The following CRYBB2 variants were observed in gnomAD, a reference collection of about 807,000 sequenced individuals.
CRYBB2 encodes the protein crystallin beta B2.
CRYBB2 carries 12 observed loss-of-function variants against 24.3 expected under a neutral mutation model. The observed-to-expected ratio is 0.49, with a 90% CI of 0.32 to 0.80. The LOEUF (loss-of-function observed/expected upper bound fraction) is 0.80, where lower values mean the gene tolerates loss of function less well. Ranked by LOEUF, CRYBB2 falls within the 30% of genes least tolerant of loss-of-function variation. The pLI, the probability that CRYBB2 is intolerant of heterozygous loss-of-function variation, is 0.04. For missense variants in CRYBB2, 198 were observed against 268.5 expected, an observed-to-expected ratio of 0.74 and a Z score of 1.83; for synonymous variants, 98 against 101.6, an observed-to-expected ratio of 0.96 and a Z score of 0.21.
chr22:25,217,920 G>T (rs1935198012), upstream of CRYBB2, among the ~76,000 whole-genome samples: 1 of 152,102 alleles, frequency 6.6e-6, no homozygotes, highest in Non-Finnish European at 1.5e-5. Flanking sequence ...CCTCAGATTG[G>T]ATCAAGACAC....
upstream of CRYBB2, among the ~76,000 whole-genome samples, chr22:25,219,101 T>C (rs1397121163): frequency 1.3e-5 from 2 of 152,032 alleles, no homozygotes; most frequent in Non-Finnish European, 2.9e-5. Flanking sequence ...GGCTTCCTCT[T>C]CTCCATCCCT....
chr22:25,218,141 C>A (rs961383501), upstream of CRYBB2, among the ~76,000 whole-genome samples: 6 of 150,880 alleles, frequency 4.0e-5, no homozygotes, highest in Non-Finnish European at 5.9e-5. Flanking sequence ...CGCCTGTAGT[C>A]CCAGCTACTA....
chr22:25,211,676 A>G (rs1316982210), upstream of CRYBB2, among the ~76,000 whole-genome samples: 1 of 152,072 alleles, frequency 6.6e-6, no homozygotes, highest in Non-Finnish European at 1.5e-5. Context: ...AGCCTCCCAA[A>G]TTGCTAGGAT....
chr22:25,224,266 C>G (rs1935374722), intron 2 of CRYBB2, among the ~76,000 whole-genome samples: 1 of 152,092 alleles, frequency 6.6e-6, no homozygotes, highest in Non-Finnish European at 1.5e-5. Flanking sequence ...TGAGCCCCCT[C>G]CCTTGGGCTG....
chr22:25,217,788 GA>G (rs1246378597), upstream of CRYBB2, among the ~76,000 whole-genome samples: 1 of 152,186 alleles, frequency 6.6e-6, no homozygotes, highest in Admixed American at 6.5e-5. Context: ...GCTGCAAAAG[GA>G]AAAGCCCAGC....
At chr22:25,230,599 T>C (rs9612900) in intron 5 of CRYBB2, among the ~76,000 whole-genome samples, 17,601 of 147,288 alleles carry the variant, frequency 0.12, 1,276 homozygotes, top group Non-Finnish European at 0.17. Flanking sequence ...CAGAACCAAT[T>C]TAGCCAAACA....
upstream of CRYBB2, among the ~76,000 whole-genome samples, chr22:25,218,707 GGA>G (rs765434004): frequency 0.1 from 2,377 of 23,550 alleles, 100 homozygotes; most frequent in East Asian, 0.19. Context: ...AGAGAGAGGG[GGA>G]GAGAGAGAGA....
intron 2 of CRYBB2, 128 bp from the exon 3 acceptor site, chr22:25,224,790 T>C (rs1935383379): frequency 2.6e-6 from 2 of 768,392 alleles, no homozygotes. Flanking sequence ...ATTTTATGTT[T>C]GATTTGTCAC....
chr22:25,213,293 T>C (rs1366011794), intron 1 of CRYBB2: 1 of 152,130 alleles, frequency 6.6e-6, no homozygotes, highest in Non-Finnish European at 1.5e-5. Context: ...TTAAATATTG[T>C]TTGTCCAAGG....
rs187757975 is a variant in CRYBB2, at chr22:25,231,396, A to G, written c.450-208A>G. Among the ~76,000 whole-genome samples the G allele has an allele frequency of 0.015, 2,267 of 151,418 alleles. 20 individuals carry two copies. The highest frequency in any genetic ancestry group is 0.043 in the South Asian group (202 of 4,732). On this transcript the variant is annotated intron_variant, in intron 5 of 5. Coordinates refer to ENST00000398215, the MANE Select transcript of CRYBB2 (RefSeq NM_000496.3). ...TGCTTCAGGAGGCAGTGAGCTCCCC[A>G]TCAAGAGAAGGAAGAAAGCAGAGGC...
upstream of CRYBB2, among the ~76,000 whole-genome samples, chr22:25,218,822 G>GAAAGAAAGAAAGAAAGA (rs1935266865): frequency 8.8e-6 from 1 of 113,690 alleles, no homozygotes; most frequent in African/African-American, 4.0e-5. Flanking sequence ...AAGAAAGAAA[G>GAAAGAAAGAAAGAAAGA]AAAGAAAGAA....
At chr22:25,230,468 T>TG (rs1569022128) in intron 5 of CRYBB2, among the ~76,000 whole-genome samples, 18 of 152,278 alleles carry the variant, frequency 1.2e-4, no homozygotes, top group African/African-American at 4.3e-4. Context: ...GAACGGACTC[T>TG]TAAATTTTCA....
In CRYBB2 at chr22:25,231,708, A is replaced by G. The variant is rs1460426372; in HGVS notation, c.554A>G (p.Gln185Arg). Residue 185 changes from glutamine to arginine, a missense_variant, in exon 6 of 6, where the codon CAG becomes CGG. Physicochemically the swap from Gln to Arg is conservative, Grantham distance 43 (BLOSUM62 1). Transcript: ENST00000398215. ...TTTGGGGCCCCTCACCCCCAGGTGC[A>G]GTCCGTGCGCCGTATCCGCGACATG... Reference protein sequence around the residue: ...SDFGAPHPQVQSVRRIRDMQW... With the variant: ...SDFGAPHPQVRSVRRIRDMQW... 1.2e-6 allele frequency: 2 copies of G among 1,614,040 alleles called. No homozygotes were observed. Among genetic ancestry groups the G allele is most frequent in the Non-Finnish European group, 1.7e-6 (2 of 1,180,026 alleles).
upstream of CRYBB2, among the ~76,000 whole-genome samples, chr22:25,218,244 G>A (rs531535705): frequency 2.0e-5 from 3 of 146,906 alleles, no homozygotes; most frequent in African/African-American, 7.5e-5. Context: ...GGGCGACAGA[G>A]CGAGACTCCA....
chr22:25,215,533 T>A (rs977751048), upstream of CRYBB2, among the ~76,000 whole-genome samples: 7 of 151,414 alleles, frequency 4.6e-5, no homozygotes, highest in Non-Finnish European at 7.4e-5. Context: ...CATCTCCATA[T>A]TTCTGTGTGT....
Position 25,227,851 on chromosome 22 carries a change from A to T in CRYBB2, c.174-2A>T. The T allele has an allele frequency of 6.2e-7, 1 of 1,614,100 alleles. No homozygotes were observed. Among genetic ancestry groups the T allele is most frequent in the Non-Finnish European group, 8.5e-7 (1 of 1,180,036 alleles). On this transcript the variant is annotated splice_acceptor_variant, in intron 3 of 5. Transcript: ENST00000398215. LOFTEE classifies it high-confidence loss of function. ...CCCCCTTTCTCTCTGTCTCCATGGC[A>T]GCTGGGTGGGCTATGAACAGGCCAA...
At position 25,229,072 on chromosome 22, in the gene CRYBB2, C is replaced by T. The variant is rs554411227; in HGVS notation, c.307-364C>T. 9.4e-5 allele frequency among the ~76,000 whole-genome samples: 13 copies of T among 137,830 alleles called. No homozygotes were observed. The South Asian group carries it at 9.5e-4, about 10-fold the overall frequency. The allele number at this position is 137,830 out of a possible 152,430, so 90.4% of individuals were successfully genotyped here. A position where few individuals can be genotyped will look rare whatever the true frequency, so the allele number is the denominator to read the frequency against. Reference sequence around the variant, plus strand: ...TGTGGTGTGCGTGTGTGCATGTGTGCGTGTGCACACATGTGTGGGTGTGCA... The same window carrying T: ...TGTGGTGTGCGTGTGTGCATGTGTGTGTGTGCACACATGTGTGGGTGTGCA... On this transcript the variant is annotated intron_variant, in intron 4 of 5. Transcript: ENST00000398215.
chr22:25,227,092 C>T (rs1357152843), intron 3 of CRYBB2, among the ~76,000 whole-genome samples: 1 of 152,184 alleles, frequency 6.6e-6, no homozygotes, highest in Non-Finnish European at 1.5e-5. Flanking sequence ...TAGATCATTC[C>T]TCTGAACAGC....
At chr22:25,229,039 T>C (rs1028258600) in intron 4 of CRYBB2, among the ~76,000 whole-genome samples, 4 of 145,936 alleles carry the variant, frequency 2.7e-5, no homozygotes, top group Admixed American at 1.3e-4. Flanking sequence ...TGCGTGCGTG[T>C]GTGCAAGTGT....
Sources: gnomAD v4.1 joint callset for allele counts (sites outside exome capture counted in the v4.1 genomes callset) on GRCh38, gnomAD v4.1.1 for gene constraint, MANE v1.5 for transcripts, NCBI Gene and HGNC (gene_info 2026-07-23, HGNC 2026-07-21) for gene names.